SCMH1: variants seen among roughly 807,000 people sequenced by gnomAD.
The protein encoded by SCMH1 is Scm polycomb group protein homolog 1, also known as polycomb protein SCMH1.
Under a neutral mutation model 70.8 loss-of-function variants are expected in SCMH1, and 37 were observed. The observed-to-expected ratio is 0.52, with a 90% CI of 0.40 to 0.69. SCMH1 has a LOEUF of 0.69. Among genes scored for constraint, SCMH1 ranks in the 30% least tolerant of loss-of-function variants. The pLI is 0.00. For missense variants in SCMH1, 607 were observed against 827.3 expected, an observed-to-expected ratio of 0.73 and a Z score of 3.27; for synonymous variants, 292 against 307.4, an observed-to-expected ratio of 0.95 and a Z score of 0.52.
At chr1:41,193,519 G>A (rs1652239590) in intron 1 of SCMH1, among the ~76,000 whole-genome samples, 1 of 151,640 alleles carries the variant, frequency 6.6e-6, no homozygotes, top group South Asian at 2.1e-4. Context: ...AACTTTGCCA[G>A]GGGTTGGGGG....
intron 6 of SCMH1, among the ~76,000 whole-genome samples, chr1:41,121,701 A>G (rs569726124): frequency 1.3e-5 from 2 of 152,306 alleles, no homozygotes; most frequent in South Asian, 2.1e-4. Context: ...CATATATCCA[A>G]CTACCTCAGT....
At chr1:41,149,896 T>C (rs896411352) in intron 5 of SCMH1, among the ~76,000 whole-genome samples, 1 of 152,184 alleles carries the variant, frequency 6.6e-6, no homozygotes, top group Non-Finnish European at 1.5e-5. Context: ...AGTTTTCTCA[T>C]ATGCATTTAT....
intron 1 of SCMH1, among the ~76,000 whole-genome samples, chr1:41,233,940 A>C (rs947887858): frequency 6.6e-6 from 1 of 152,092 alleles, no homozygotes; most frequent in Non-Finnish European, 1.5e-5. Flanking sequence ...AGGTTACTTA[A>C]CTTTGTGCTT....
At chr1:41,133,452 G>A (rs1292179984) in intron 6 of SCMH1, among the ~76,000 whole-genome samples, 1 of 152,086 alleles carries the variant, frequency 6.6e-6, no homozygotes, top group African/African-American at 2.4e-5. Flanking sequence ...AGAACTGAAG[G>A]AGATAGAAAC....
chr1:41,052,491 ACCAGTC>A (rs1648560550), intron 10 of SCMH1, among the ~76,000 whole-genome samples: 1 of 152,148 alleles, frequency 6.6e-6, no homozygotes, highest in African/African-American at 2.4e-5. Flanking sequence ...CTTCCATAAA[ACCAGTC>A]CTTGGTGCCA....
exon 14 of SCMH1, chr1:41,028,622 G>A: frequency 6.2e-7 from 1 of 1,614,176 alleles, no homozygotes; most frequent in Non-Finnish European, 8.5e-7. Context: ...CCAAGCTGAG[G>A]ATCAGCTTCC....
intron 11 of SCMH1, among the ~76,000 whole-genome samples, chr1:41,048,049 T>A (rs531183186): frequency 1.3e-4 from 20 of 152,250 alleles, no homozygotes; most frequent in African/African-American, 4.3e-4. Flanking sequence ...CAGGGGAATA[T>A]GGAATAGCAT....
At chr1:41,062,026 G>A (rs550937971) in intron 10 of SCMH1, among the ~76,000 whole-genome samples, 4 of 151,716 alleles carry the variant, frequency 2.6e-5, no homozygotes, top group East Asian at 2.0e-4. Context: ...CACCACACCC[G>A]GCTAATTGTT....
intron 6 of SCMH1, among the ~76,000 whole-genome samples, chr1:41,118,547 C>G (rs547998148): frequency 2.0e-5 from 3 of 152,120 alleles, no homozygotes; most frequent in Admixed American, 6.5e-5. Context: ...ATACACACAC[C>G]AAGTACAAAA....
chr1:41,192,421 T>G (rs891952804), intron 1 of SCMH1, among the ~76,000 whole-genome samples: 1 of 151,962 alleles, frequency 6.6e-6, no homozygotes, highest in Non-Finnish European at 1.5e-5. Context: ...CTCCTGTGCC[T>G]GAGTTTCCTC....
At chr1:41,239,654 T>C (rs1356188651) in intron 1 of SCMH1, among the ~76,000 whole-genome samples, 1 of 152,034 alleles carries the variant, frequency 6.6e-6, no homozygotes, top group African/African-American at 2.4e-5. Flanking sequence ...TCTTTTCTTT[T>C]TTAAAAGATG....
At chr1:41,170,638 A>C (rs190689018) in intron 2 of SCMH1, among the ~76,000 whole-genome samples, 200 of 152,294 alleles carry the variant, frequency 1.3e-3, no homozygotes, top group Middle Eastern at 6.8e-3. Context: ...TAAAATAAAC[A>C]AAACCTCATA....
At chr1:41,111,932 T>G (rs1445111901) in intron 8 of SCMH1, among the ~76,000 whole-genome samples, 1 of 152,200 alleles carries the variant, frequency 6.6e-6, no homozygotes, top group African/African-American at 2.4e-5. Context: ...TGGTAATGGT[T>G]TCATGGATGT....
chr1:41,028,191 G>C, exon 15 of SCMH1: 1 of 1,614,108 alleles, frequency 6.2e-7, no homozygotes, highest in Non-Finnish European at 8.5e-7. Flanking sequence ...TGCCTCTCCT[G>C]GTTCAGAACT....
chr1:41,121,510 G>C (rs905763822), intron 6 of SCMH1, among the ~76,000 whole-genome samples: 1 of 152,108 alleles, frequency 6.6e-6, no homozygotes, highest in Non-Finnish European at 1.5e-5. Flanking sequence ...ATTAGGCAAC[G>C]ACCTAGGCTG....
chr1:41,181,045 A>G (rs972110324), intron 2 of SCMH1, among the ~76,000 whole-genome samples: 6 of 152,220 alleles, frequency 3.9e-5, no homozygotes, highest in African/African-American at 1.4e-4. Flanking sequence ...ATAACGCCGC[A>G]TATCTACAAC....
At chr1:41,069,443 T>C (rs1655732132) in intron 10 of SCMH1, among the ~76,000 whole-genome samples, 1 of 152,116 alleles carries the variant, frequency 6.6e-6, no homozygotes, top group African/African-American at 2.4e-5. Context: ...GGATACGAGG[T>C]ATGTTTGTTT....
At position 41,055,542 on chromosome 1, in the gene SCMH1, G is replaced by A. The variant is rs59694148; in HGVS notation, c.1106-6652C>T. On this transcript the variant is annotated intron_variant, in intron 10 of 14. Coordinates refer to ENST00000337495, the Ensembl canonical transcript of SCMH1. The stretch of plus-strand genomic sequence containing the variant: ...TTTTTTGTATTTTTAGTAGAGATAG[G>A]GTTTCACTGTGTTAGCCAGGACCTT... Among the ~76,000 whole-genome samples, 1,189 of 152,192 alleles carry A rather than the reference G, an allele frequency of 7.8e-3. 16 individuals carry two copies. The highest frequency in any genetic ancestry group is 0.027 in the African/African-American group (1,141 of 41,502).
At chr1:41,150,794 G>A (rs1457533119) in intron 5 of SCMH1, among the ~76,000 whole-genome samples, 2 of 148,894 alleles carry the variant, frequency 1.3e-5, no homozygotes, top group South Asian at 2.1e-4. Context: ...AAAATTAGCC[G>A]GGCATGGTGG....
Sources: allele counts gnomAD v4.1 joint callset (sites outside exome capture counted in the v4.1 genomes callset), GRCh38; gene constraint gnomAD v4.1.1; transcripts MANE v1.5; gene names NCBI Gene and HGNC (gene_info 2026-07-23, HGNC 2026-07-21).